The following MYLK4 variants were observed in gnomAD, a reference collection of about 807,000 sequenced individuals.
MYLK4 encodes myosin light chain kinase family member 4.
MYLK4 carries 46 observed loss-of-function variants against 48.1 expected under a neutral mutation model. The ratio of observed to expected loss-of-function variants is 0.96; its 90% CI spans 0.75 to 1.22. MYLK4 has a LOEUF of 1.22. MYLK4 is among the 50% of genes most tolerant of loss of function. The pLI, the probability that MYLK4 is intolerant of heterozygous loss-of-function variation, is 0.00. For synonymous variants in MYLK4, 170 were observed against 180.8 expected (o/e 0.94, Z 0.48); for missense variants, 451 against 486.1 (o/e 0.93, Z 0.68).
intron 3 of MYLK4, among the ~76,000 whole-genome samples, chr6:2,690,823 CTTTTT>C (rs35133716): frequency 1.8e-4 from 16 of 88,850 alleles, no homozygotes; most frequent in African/African-American, 7.5e-4. Context: ...CTCTCTGAAT[CTTTTT>C]TTTTTTTTTT....
At chr6:2,765,578 G>T in the MYLK4 span, 2 of 1,432,320 alleles carry the variant, frequency 1.4e-6, no homozygotes, top group African/African-American at 1.5e-5. Flanking sequence ...GCGTGCGCAC[G>T]GGTTGCTGCG....
Position 2,742,467 on chromosome 6 carries a change from C to T in MYLK4, c.159+6669G>A, listed in dbSNP as rs574999007. Among the ~76,000 whole-genome samples the T allele has an allele frequency of 3.3e-5, 5 of 151,416 alleles. No individual in the cohort carries two copies. The East Asian group carries it at 9.7e-4, about 29-fold the overall frequency. ...ACAATAGCAAAGACTTGGAACCAAC[C>T]CAAATGTCCAACAATGATAGACTGG... is the stretch of plus-strand genomic sequence containing the variant. On this transcript the variant is annotated intron_variant, in intron 2 of 12. Coordinates refer to ENST00000274643, the MANE Select transcript of MYLK4 (RefSeq NM_001012418.5).
intron 2 of MYLK4, among the ~76,000 whole-genome samples, chr6:2,707,019 G>A (rs1762516335): frequency 6.6e-6 from 1 of 152,116 alleles, no homozygotes; most frequent in South Asian, 2.1e-4. Flanking sequence ...TTTCTTCTTT[G>A]TGAACGTCCA....
chr6:2,699,282 C>CTTTTTTTT (rs1762184790), intron 2 of MYLK4, among the ~76,000 whole-genome samples: 7 of 63,566 alleles, frequency 1.1e-4, no homozygotes, highest in African/African-American at 4.3e-4. Context: ...CTTTTCTTTT[C>CTTTTTTTT]TTTTCTTTTT....
At chr6:2,741,532 T>C (rs930284278) in intron 2 of MYLK4, among the ~76,000 whole-genome samples, 1 of 152,066 alleles carries the variant, frequency 6.6e-6, no homozygotes, top group Admixed American at 6.5e-5. Context: ...CTATACACAG[T>C]ACATTGGAAA....
chr6:2,708,983 G>A (rs1307147872), intron 2 of MYLK4, among the ~76,000 whole-genome samples: 3 of 152,120 alleles, frequency 2.0e-5, no homozygotes, highest in African/African-American at 7.2e-5. Flanking sequence ...GAATGATCAT[G>A]GTTGCTATGG....
intron 6 of MYLK4, among the ~76,000 whole-genome samples, chr6:2,684,294 G>T (rs12523845): frequency 6.6e-6 from 1 of 152,142 alleles, no homozygotes; most frequent in African/African-American, 2.4e-5. Flanking sequence ...GGGTGGGACC[G>T]AGCGGGACGG....
chr6:2,738,097 G>A (rs1763764481), intron 2 of MYLK4, among the ~76,000 whole-genome samples: 1 of 151,752 alleles, frequency 6.6e-6, no homozygotes, highest in African/African-American at 2.4e-5. Flanking sequence ...CCAGCTGGTG[G>A]TCTTATGTGA....
the MYLK4 span, chr6:2,766,087 C>T: frequency 2.3e-6 from 3 of 1,311,888 alleles, no homozygotes; most frequent in Middle Eastern, 2.9e-4. Context: ...CGTCTCCGCG[C>T]AGCTGGGACG....
intron 2 of MYLK4, among the ~76,000 whole-genome samples, chr6:2,740,350 G>A (rs887036343): frequency 6.6e-6 from 1 of 152,202 alleles, no homozygotes; most frequent in African/African-American, 2.4e-5. Context: ...ACTGCATTAC[G>A]CCTTCTTCCC....
At chr6:2,679,482 A>G (rs1479582984) in intron 8 of MYLK4, 74 bp from the exon 9 acceptor site, 3 of 1,550,944 alleles carry the variant, frequency 1.9e-6, no homozygotes, top group Non-Finnish European at 1.8e-6. Context: ...GATGTAGTCT[A>G]TGAGACAAAA....
At chr6:2,721,895 T>C (rs1222990309) in intron 2 of MYLK4, among the ~76,000 whole-genome samples, 3 of 152,208 alleles carry the variant, frequency 2.0e-5, no homozygotes, top group South Asian at 2.1e-4. Flanking sequence ...AGTCAAACTA[T>C]CAATGTGTAC....
At chr6:2,741,280 C>A (rs956544917) in intron 2 of MYLK4, among the ~76,000 whole-genome samples, 1 of 152,072 alleles carries the variant, frequency 6.6e-6, no homozygotes, top group Non-Finnish European at 1.5e-5. Context: ...ATTTTGTTAT[C>A]AAGTATGCTA....
At chr6:2,695,242 G>A (rs1222086738) in intron 2 of MYLK4, among the ~76,000 whole-genome samples, 1 of 152,180 alleles carries the variant, frequency 6.6e-6, no homozygotes, top group African/African-American at 2.4e-5. Context: ...AATAGACATT[G>A]TGCTTCTGGG....
At chr6:2,750,420 A>G (rs1181872027) in intron 1 of MYLK4, among the ~76,000 whole-genome samples, 2 of 152,246 alleles carry the variant, frequency 1.3e-5, no homozygotes, top group East Asian at 1.9e-4. Flanking sequence ...CTACAGATAT[A>G]TTACAGATCA....
chr6:2,716,471 T>C (rs1361459418), intron 2 of MYLK4, among the ~76,000 whole-genome samples: 2 of 152,260 alleles, frequency 1.3e-5, no homozygotes, highest in Non-Finnish European at 2.9e-5. Flanking sequence ...GTTATGCAGA[T>C]AGAAACTTAA....
At chr6:2,677,982 C>G (rs982756692) in intron 10 of MYLK4, among the ~76,000 whole-genome samples, 1 of 152,204 alleles carries the variant, frequency 6.6e-6, no homozygotes, top group African/African-American at 2.4e-5. Context: ...CAGCAGGAGT[C>G]CATGGCTGGT....
At chr6:2,746,108 T>TA (rs35723303) in intron 2 of MYLK4, among the ~76,000 whole-genome samples, 90,835 of 148,248 alleles carry the variant, frequency 0.61, 28,149 homozygotes, top group Non-Finnish European at 0.66. Context: ...AAAAAAAATA[T>TA]AAAAAAAAAT....
intron 2 of MYLK4, chr6:2,743,755 T>C (rs1763974711): frequency 2.5e-6 from 1 of 394,310 alleles, no homozygotes; most frequent in South Asian, 1.4e-4. Context: ...CCACTATTAT[T>C]ACCTCAACTG....
Sources: gnomAD v4.1 joint callset for allele counts (sites outside exome capture counted in the v4.1 genomes callset) on GRCh38, gnomAD v4.1.1 for gene constraint, MANE v1.5 for transcripts, NCBI Gene and HGNC (gene_info 2026-07-23, HGNC 2026-07-21) for gene names.